HERC2: variants seen among roughly 807,000 people sequenced by gnomAD.
The protein encoded by HERC2 is E3 ubiquitin-protein ligase HERC2.
In HERC2, 102 loss-of-function variants were observed where a neutral mutation model predicts 537.7. The observed-to-expected ratio is 0.19, with a 90% CI of 0.16 to 0.22. The LOEUF (loss-of-function observed/expected upper bound fraction) is 0.22, where lower values mean the gene tolerates loss of function less well. HERC2 is among the 10% of genes least tolerant of loss of function. HERC2 has a pLI of 1.00. For missense variants in HERC2, 4,236 were observed against 6,198.2 expected (o/e 0.68, Z 10.63); for synonymous variants, 2,224 against 2,466.2 (o/e 0.90, Z 2.91).
At chr15:28,169,453 C>G in intron 66 of HERC2, 31 bp downstream of exon 66, 1 of 1,503,528 alleles carries the variant, frequency 6.7e-7, no homozygotes, top group Non-Finnish European at 9.0e-7. Context: ...CACATAATTG[C>G]AGAATTTCAA....
chr15:28,131,581 G>A (rs1483232277), intron 81 of HERC2, among the ~76,000 whole-genome samples: 2 of 152,158 alleles, frequency 1.3e-5, no homozygotes, highest in Non-Finnish European at 2.9e-5. Flanking sequence ...TGCAGCCACC[G>A]GGCTTGAGTG....
chr15:28,202,148 C>T lies in HERC2; in HGVS notation c.7582G>A (p.Val2528Met), dbSNP rs532264412. Reference protein sequence around the residue: ...TVSDEYSDEEVVEDVDDAAYS... With the variant: ...TVSDEYSDEEMVEDVDDAAYS... Reference sequence around the variant, plus strand: ...GCGGCATCATCCACGTCCTCCACCACCTCCTCGTCAGAATACTCGTCGGAC... The same window carrying T: ...GCGGCATCATCCACGTCCTCCACCATCTCCTCGTCAGAATACTCGTCGGAC... The change falls in exon 47 of 93, where the codon GTG (valine) becomes ATG (methionine). Residue 2528 changes from valine (V) to methionine (M), a missense_variant. By Grantham distance (21) the Val-to-Met change is conservative (BLOSUM62 1). Transcript: ENST00000261609. 1 of 1,575,740 alleles carries T rather than the reference C, an allele frequency of 6.3e-7. No individual in the cohort carries two copies. The highest frequency in any genetic ancestry group is 8.7e-7 in the Non-Finnish European group (1 of 1,149,118).
chr15:28,124,176 A>G lies in HERC2; in HGVS notation c.13049T>C (p.Leu4350Pro). 6.4e-7 allele frequency: 1 copy of G among 1,573,528 alleles called. No individual in the cohort carries two copies. The highest frequency in any genetic ancestry group is 1.2e-5 in the South Asian group (1 of 85,500). ...CTCGGAGAGGTGGTGCAGCAGCAGCAGACGGTTCCTCAGCGCAATGATGGG... is the reference window on the plus strand; with the variant it reads ...CTCGGAGAGGTGGTGCAGCAGCAGCGGACGGTTCCTCAGCGCAATGATGGG... ...EIPIIALRNR[L>P]LLLHHLSELF... The change falls in exon 85 of 93, where the codon CTG becomes CCG. Residue 4350 changes from leucine to proline, a missense_variant. Leu to Pro is a moderately conservative substitution (Grantham distance 98, BLOSUM62 -3). This residue lies in a region of HERC2 where 189 missense variants were observed against 255.7 expected (regional missense o/e 0.74). Coordinates refer to ENST00000261609, the MANE Select transcript of HERC2 (RefSeq NM_004667.6).
intron 25 of HERC2, among the ~76,000 whole-genome samples, chr15:28,237,531 G>A (rs1902591529): frequency 1.3e-5 from 2 of 152,178 alleles, no homozygotes; most frequent in South Asian, 4.1e-4. Context: ...ACATGTAGAG[G>A]AAATGAAATT....
At chr15:28,172,607 T>C (rs1894809219) in intron 65 of HERC2, among the ~76,000 whole-genome samples, 2 of 152,194 alleles carry the variant, frequency 1.3e-5, no homozygotes, top group African/African-American at 2.4e-5. Flanking sequence ...TCCCACCATA[T>C]ATAAAATTTA....
intron 44 of HERC2, among the ~76,000 whole-genome samples, chr15:28,206,722 A>G (rs1898494840): frequency 6.7e-6 from 1 of 149,540 alleles, no homozygotes; most frequent in South Asian, 2.2e-4. Context: ...AGTCCCAGCT[A>G]CTTGGGAGGC....
chr15:28,317,314 C>T (rs1452512630), intron 2 of HERC2, among the ~76,000 whole-genome samples: 1 of 152,206 alleles, frequency 6.6e-6, no homozygotes, highest in Admixed American at 6.5e-5. Context: ...GTTTTGAACT[C>T]CTGACCTCAA....
chr15:28,296,260 G>C (rs2076466953), intron 3 of HERC2, among the ~76,000 whole-genome samples: 1 of 152,012 alleles, frequency 6.6e-6, no homozygotes, highest in African/African-American at 2.4e-5. Context: ...CAGATCATGA[G>C]GTCAGGAGTT....
Position 28,111,747 on chromosome 15 carries a change from A to T in HERC2, c.*16T>A. The T allele has an allele frequency of 6.2e-7, 1 of 1,611,114 alleles. No homozygotes were observed. Among genetic ancestry groups the T allele is most frequent in the East Asian group, 2.2e-5 (1 of 44,810 alleles). On this transcript the variant is annotated 3_prime_UTR_variant, in exon 93 of 93. Transcript: ENST00000261609. ...GCCTGGCTCAGGCTCTCATCTCACG[A>T]GGACGTTTCCCCATCTTAGTGTCCT...
At chr15:28,281,311 A>G (rs1250368500) in intron 4 of HERC2, among the ~76,000 whole-genome samples, 1 of 152,178 alleles carries the variant, frequency 6.6e-6, no homozygotes, top group African/African-American at 2.4e-5. Context: ...CAGAGCACAG[A>G]TCATTATAAG....
At position 28,246,070 on chromosome 15, in the gene HERC2, C is replaced by T. The variant is rs750512802; in HGVS notation, c.3392-4G>A. ...ACTAGTTCTGGAAGGAGAACACCTA[C>T]ATTTAAGAAATAATAAGATTTAAAT... On this transcript the variant is annotated splice_region_variant and splice_polypyrimidine_tract_variant and intron_variant, in intron 22 of 92. Transcript: ENST00000261609. 1.9e-6 allele frequency: 3 copies of T among 1,559,326 alleles called. No individual in the cohort carries two copies. In the East Asian group the frequency reaches 6.7e-5, roughly 35 times the overall value.
At position 28,274,113 on chromosome 15, in the gene HERC2, A is replaced by C. The variant is rs140962140; in HGVS notation, c.800+178T>G. ...TTCCTGGGTCTAGTCAGAGTATCAT[A>C]AATCAAATCGCCTGAAAAGCTGAGA... On this transcript the variant is annotated intron_variant, in intron 7 of 92. Transcript: ENST00000261609. Among the ~76,000 whole-genome samples the C allele has an allele frequency of 7.2e-5, 11 of 152,306 alleles. No individual in the cohort carries two copies. In the East Asian group the frequency reaches 2.1e-3, roughly 29 times the overall value.
chr15:28,155,306 G>T (rs549948139), intron 69 of HERC2, among the ~76,000 whole-genome samples: 4 of 152,202 alleles, frequency 2.6e-5, no homozygotes, highest in African/African-American at 9.6e-5. Flanking sequence ...GGGTCAAATG[G>T]TATTTCTAGT....
rs1051829531 is a variant in HERC2, at chr15:28,176,103, A to C, written c.9686+325T>G. On this transcript the variant is annotated intron_variant, in intron 63 of 92. Transcript: ENST00000261609. The surrounding 1 kb of genome is among the most constrained non-coding windows in gnomAD (Gnocchi z 5.0). ...AGAAACACATGTTAACTTTTTCAGG[A>C]TCAAAGGATTCAGAAGGCTATTTTG... 2.0e-5 allele frequency among the ~76,000 whole-genome samples: 3 copies of C among 152,222 alleles called. No individual in the cohort carries two copies. Among genetic ancestry groups the C allele is most frequent in the African/African-American group, 4.8e-5 (2 of 41,458 alleles).
chr15:28,254,236 T>C (rs1201593815), intron 20 of HERC2, 104 bp downstream of exon 20: 9 of 746,258 alleles, frequency 1.2e-5, no homozygotes, highest in East Asian at 3.0e-5. Context: ...TGAGCCAAGA[T>C]GGCGCCATAG....
chr15:28,149,444 G>A (rs1237742364), intron 70 of HERC2, among the ~76,000 whole-genome samples: 2 of 131,196 alleles, frequency 1.5e-5, no homozygotes, highest in African/African-American at 3.0e-5. Flanking sequence ...AAACACATGC[G>A]GCTCCTAACC....
At chr15:28,151,346 G>A (rs150278319) in intron 70 of HERC2, among the ~76,000 whole-genome samples, 1,600 of 152,244 alleles carry the variant, frequency 0.011, 36 homozygotes, top group African/African-American at 0.036. Context: ...GCATGTGTCT[G>A]TACTCCTAGC....
At chr15:28,169,169 G>A (rs145007566) in intron 66 of HERC2, among the ~76,000 whole-genome samples, 1,871 of 152,304 alleles carry the variant, frequency 0.012, 41 homozygotes, top group African/African-American at 0.043. Context: ...ATGCTAAGTC[G>A]TCTTAGACAT....
rs774879204 is a variant in HERC2 at position 28,257,123 on chromosome 15, A to C, written c.2455T>G (p.Trp819Gly). 1 of 1,613,902 alleles carries C rather than the reference A, an allele frequency of 6.2e-7. No homozygotes were observed. Among genetic ancestry groups the C allele is most frequent in the East Asian group, 2.2e-5 (1 of 44,866 alleles). The change falls in exon 17 of 93, where the codon TGG becomes GGG. Residue 819 changes from tryptophan (W) to glycine (G), a missense_variant. Trp to Gly is a radical substitution (Grantham distance 184, BLOSUM62 -2). Around this residue, in one of 27 missense-constraint regions of HERC2, gnomAD observed 754 missense variants for 1,085.0 expected, o/e 0.69. Transcript: ENST00000261609. ...VSEGMDGSAD[W>G]PPPQEKECVA... ...CACTCTTTCTCCTGGGGCGGGGGCC[A>C]GTCCGCGGAACCATCCATCCCCTCA...
Sources: gnomAD v4.1 joint callset for allele counts (sites outside exome capture counted in the v4.1 genomes callset) on GRCh38, gnomAD v4.1.1 for gene constraint, gnomAD v4.1.1 regional missense constraint, Gnocchi (gnomAD v3.1) non-coding constraint, MANE v1.5 for transcripts, NCBI Gene and HGNC (gene_info 2026-07-23, HGNC 2026-07-21) for gene names.